GLDC: variants seen among roughly 807,000 people sequenced by gnomAD.
The protein encoded by GLDC is glycine dehydrogenase (decarboxylating), mitochondrial.
In GLDC, 104 loss-of-function variants were observed where a neutral mutation model predicts 121.3. That is an observed-to-expected ratio of 0.86 (90% CI 0.73 to 1.01). The LOEUF (loss-of-function observed/expected upper bound fraction) is 1.01, where lower values mean the gene tolerates loss of function less well. Among genes scored for constraint, GLDC ranks in the 50% least tolerant of loss-of-function variants. The pLI, the probability that GLDC is intolerant of heterozygous loss-of-function variation, is 0.00. For synonymous variants in GLDC, 546 were observed against 480.6 expected (o/e 1.14, Z -1.78); for missense variants, 1,429 against 1,306.6 (o/e 1.09, Z -1.44).
rs1587986231 is a variant in GLDC, at chr9:6,639,417, A to C, written c.334+5197T>G. 9.5e-5 allele frequency: 87 copies of C among 918,502 alleles called. No homozygotes were observed. In the East Asian group the frequency reaches 2.1e-3, roughly 22 times the overall value. The allele number at this position is 918,502 out of a possible 1,614,324, so 56.9% of individuals were successfully genotyped here. ...AGTCGCCATGAAGAAGATGGAAGACAACAACACACTTGTGTTCATTGTGGA... is the reference window on the plus strand; with the variant it reads ...AGTCGCCATGAAGAAGATGGAAGACCACAACACACTTGTGTTCATTGTGGA... On this transcript the variant is annotated intron_variant, in intron 2 of 24. Coordinates refer to ENST00000321612, the MANE Select transcript of GLDC (RefSeq NM_000170.3).
intron 2 of GLDC, among the ~76,000 whole-genome samples, chr9:6,629,946 T>TAG: frequency 1.5e-5 from 1 of 68,060 alleles, no homozygotes; most frequent in African/African-American, 1.4e-4. Flanking sequence ...TATATATATG[T>TAG]ATATATATAT....
chr9:6,612,249 T>A (rs988860766), intron 3 of GLDC, among the ~76,000 whole-genome samples: 1 of 125,958 alleles, frequency 7.9e-6, no homozygotes, highest in African/African-American at 3.7e-5. Context: ...TCTCTCTCTC[T>A]CTCTCACACA....
intron 15 of GLDC, among the ~76,000 whole-genome samples, chr9:6,574,952 C>G (rs1039698435): frequency 6.6e-6 from 1 of 152,142 alleles, no homozygotes; most frequent in Non-Finnish European, 1.5e-5. Flanking sequence ...ATCCATCTTG[C>G]TAAACCTTTC....
At chr9:6,642,961 C>G (rs1013956972) in intron 2 of GLDC, among the ~76,000 whole-genome samples, 1 of 151,744 alleles carries the variant, frequency 6.6e-6, no homozygotes, top group Non-Finnish European at 1.5e-5. Flanking sequence ...TGCAGTGGAG[C>G]CATCTTGGCT....
chr9:6,576,266 T>A (rs980264955), intron 15 of GLDC, among the ~76,000 whole-genome samples: 4 of 152,152 alleles, frequency 2.6e-5, no homozygotes, highest in Non-Finnish European at 5.9e-5. Flanking sequence ...TAGTGTCTAG[T>A]GAGGGCGCAC....
chr9:6,607,984 A>C (rs1207388337), intron 4 of GLDC, among the ~76,000 whole-genome samples: 1 of 151,944 alleles, frequency 6.6e-6, no homozygotes, highest in Non-Finnish European at 1.5e-5. Context: ...TTAGCTGGGC[A>C]TGGTGGCATG....
At chr9:6,601,521 A>AT (rs143542868) in intron 8 of GLDC, among the ~76,000 whole-genome samples, 1 of 152,022 alleles carries the variant, frequency 6.6e-6, no homozygotes, top group African/African-American at 2.4e-5. Context: ...AATGCTTTTT[A>AT]TTTTTTTTAG....
At chr9:6,576,000 G>C (rs917418887) in intron 15 of GLDC, among the ~76,000 whole-genome samples, 1 of 152,188 alleles carries the variant, frequency 6.6e-6, no homozygotes, top group East Asian at 1.9e-4. Flanking sequence ...GGAGAAAATA[G>C]GGATAAGCTT....
At position 6,602,100 on chromosome 9, in the gene GLDC, G is replaced by C. The variant is rs994997633; in HGVS notation, c.1155+9C>G. ...GGCATTCAGTAGTCAGGTCAGACGT[G>C]TGATTTACCTGAGCTGTACAGATGT... On this transcript the variant is annotated intron_variant, in intron 8 of 24. Coordinates refer to ENST00000321612, the MANE Select transcript of GLDC (RefSeq NM_000170.3). 2.0e-6 allele frequency: 3 copies of C among 1,538,276 alleles called. No homozygotes were observed. The highest frequency in any genetic ancestry group is 3.3e-5 in the Admixed American group (2 of 59,912).
At chr9:6,599,353 T>C (rs1041003566) in intron 8 of GLDC, among the ~76,000 whole-genome samples, 2 of 152,078 alleles carry the variant, frequency 1.3e-5, no homozygotes, top group Non-Finnish European at 2.9e-5. Context: ...AGCAGTCAGC[T>C]GCACCGAAAG....
At chr9:6,630,342 A>G (rs1228191345) in intron 2 of GLDC, among the ~76,000 whole-genome samples, 1 of 152,164 alleles carries the variant, frequency 6.6e-6, no homozygotes, top group Middle Eastern at 3.2e-3. Context: ...ACATGGGTAC[A>G]TGGGTGTACA....
At chr9:6,578,553 T>TTA (rs1818116659) in intron 15 of GLDC, among the ~76,000 whole-genome samples, 1 of 151,996 alleles carries the variant, frequency 6.6e-6, no homozygotes, top group Non-Finnish European at 1.5e-5. Context: ...TTTTTTCTTC[T>TTA]CTTAGAAACA....
At chr9:6,564,992 C>G (rs139537318) in intron 16 of GLDC, among the ~76,000 whole-genome samples, 79 of 152,332 alleles carry the variant, frequency 5.2e-4, no homozygotes, top group Middle Eastern at 3.4e-3. Flanking sequence ...AAAGCATGGT[C>G]TCTGCCCTTC....
rs141188250 is a variant in GLDC, at chr9:6,567,858, C to A, written c.1851-2429G>T. Among the ~76,000 whole-genome samples, 13 of 152,312 alleles carry A rather than the reference C, an allele frequency of 8.5e-5. No individual in the cohort carries two copies. The East Asian group carries it at 1.9e-3, about 23-fold the overall frequency. On this transcript the variant is annotated intron_variant, in intron 15 of 24. Transcript: ENST00000321612. ...AGCTCTGACAGTAGGGTCTAATTCT[C>A]AGAGTTCTGTATATTCTTCAACAGG...
chr9:6,609,121 T>C lies in GLDC; in HGVS notation c.635+1071A>G, dbSNP rs147213742. 2.0e-5 allele frequency among the ~76,000 whole-genome samples: 3 copies of C among 152,278 alleles called. No homozygotes were observed. The East Asian group carries it at 5.8e-4, about 29-fold the overall frequency. On this transcript the variant is annotated intron_variant, in intron 4 of 24. Transcript: ENST00000321612. Reference sequence around the variant, plus strand: ...CATGTGTGCGTCTTTCCCAACCAGATGGCCATCTACATGAGAATTCCACCA... The same window carrying C: ...CATGTGTGCGTCTTTCCCAACCAGACGGCCATCTACATGAGAATTCCACCA...
chr9:6,612,491 T>C lies in GLDC; in HGVS notation c.471-2135A>G, dbSNP rs115425656. Among the ~76,000 whole-genome samples the C allele has an allele frequency of 3.1e-3, 475 of 152,160 alleles. 2 individuals are homozygous for C. Among genetic ancestry groups the C allele is most frequent in the African/African-American group, 0.01 (435 of 41,532 alleles). ...GCTCACACCTGTAACCCTTGCACTCTGGGAGGCTGAGGTGGGCAATCACTC... is the reference window on the plus strand; with the variant it reads ...GCTCACACCTGTAACCCTTGCACTCCGGGAGGCTGAGGTGGGCAATCACTC... On this transcript the variant is annotated intron_variant, in intron 3 of 24. Transcript: ENST00000321612.
At chr9:6,599,929 A>T (rs1818568270) in intron 8 of GLDC, among the ~76,000 whole-genome samples, 1 of 152,110 alleles carries the variant, frequency 6.6e-6, no homozygotes, top group Admixed American at 6.6e-5. Flanking sequence ...TGCAGAACCA[A>T]CTATAAGAAG....
intron 8 of GLDC, 126 bp downstream of exon 8, chr9:6,601,983 C>A: frequency 1.4e-6 from 1 of 699,518 alleles, no homozygotes; most frequent in Non-Finnish European, 2.6e-6. Context: ...CCAATAAGAT[C>A]TTGCCATTTC....
chr9:6,579,457 C>T (rs928462565), intron 15 of GLDC, among the ~76,000 whole-genome samples: 10 of 152,096 alleles, frequency 6.6e-5, no homozygotes, highest in African/African-American at 2.4e-4. Context: ...GGAATATTTC[C>T]TCCAAGTACC....
Sources: allele counts gnomAD v4.1 joint callset (sites outside exome capture counted in the v4.1 genomes callset), GRCh38; gene constraint gnomAD v4.1.1; transcripts MANE v1.5; gene names NCBI Gene and HGNC (gene_info 2026-07-23, HGNC 2026-07-21).